The following DIAPH3 variants were observed in gnomAD, a reference collection of about 807,000 sequenced individuals.
The protein encoded by DIAPH3 is diaphanous related formin 3.
Under a neutral mutation model 144.3 loss-of-function variants are expected in DIAPH3, and 117 were observed. That is an observed-to-expected ratio of 0.81 (90% CI 0.70 to 0.95). DIAPH3 has a LOEUF of 0.95. Ranked by LOEUF, DIAPH3 falls within the 40% of genes least tolerant of loss-of-function variation. The pLI, the probability that DIAPH3 is intolerant of heterozygous loss-of-function variation, is 0.00. For missense variants in DIAPH3, 1,421 were observed against 1,412.7 expected (o/e 1.01, Z -0.09); for synonymous variants, 519 against 488.9 (o/e 1.06, Z -0.81).
chr13:59,685,538 C>G (rs1371846510), intron 27 of DIAPH3, among the ~76,000 whole-genome samples: 1 of 152,066 alleles, frequency 6.6e-6, no homozygotes, highest in Non-Finnish European at 1.5e-5. Context: ...CATTTCCCAA[C>G]AAAAACACTG....
chr13:59,887,758 A>T (rs1343756937), intron 20 of DIAPH3, among the ~76,000 whole-genome samples: 1 of 151,816 alleles, frequency 6.6e-6, no homozygotes, highest in African/African-American at 2.4e-5. Flanking sequence ...GAATTTACTG[A>T]TTTTTTTTGT....
rs187130486 is a variant in DIAPH3 at position 59,817,936 on chromosome 13, T to C, written c.3028-7013A>G. On this transcript the variant is annotated intron_variant, in intron 24 of 27. Transcript: ENST00000400324. ...ACTCAATTTATAAATTTATGTAACA[T>C]TGTTTTATTGTGTACTTTCTTTACA... 4.1e-3 allele frequency among the ~76,000 whole-genome samples: 623 copies of C among 152,058 alleles called. 2 individuals carry two copies. The highest frequency in any genetic ancestry group is 6.6e-3 in the Non-Finnish European group (450 of 67,856).
At chr13:59,777,855 TA>T (rs1163322359) in intron 25 of DIAPH3, among the ~76,000 whole-genome samples, 2 of 152,062 alleles carry the variant, frequency 1.3e-5, no homozygotes, top group Middle Eastern at 3.2e-3. Flanking sequence ...TAAAAGAGAC[TA>T]AAGAGGAACG....
At chr13:59,925,003 A>T in intron 17 of DIAPH3, 133 bp from the exon 18 acceptor site, 1 of 1,418,106 alleles carries the variant, frequency 7.1e-7, no homozygotes, top group Non-Finnish European at 9.3e-7. Flanking sequence ...AAAAACAAAT[A>T]AAACGATAGA....
intron 22 of DIAPH3, among the ~76,000 whole-genome samples, chr13:59,850,355 T>C (rs1012473577): frequency 2.6e-5 from 4 of 151,356 alleles, no homozygotes; most frequent in African/African-American, 9.7e-5. Context: ...TCCAACACTA[T>C]GTTGAATAGG....
intron 27 of DIAPH3, among the ~76,000 whole-genome samples, chr13:59,692,893 CTTTCTT>C (rs1440899376): frequency 6.6e-6 from 1 of 152,172 alleles, no homozygotes; most frequent in East Asian, 1.9e-4. Context: ...GACTCCAACT[CTTTCTT>C]TAATCACAGA....
At chr13:60,043,384 C>CT (rs2055831573) in intron 4 of DIAPH3, among the ~76,000 whole-genome samples, 2 of 152,148 alleles carry the variant, frequency 1.3e-5, no homozygotes, top group African/African-American at 4.8e-5. Context: ...TCTAACTTGG[C>CT]AGAACAGATC....
At chr13:59,737,873 A>G (rs906672496) in intron 27 of DIAPH3, among the ~76,000 whole-genome samples, 2 of 152,176 alleles carry the variant, frequency 1.3e-5, no homozygotes, top group African/African-American at 4.8e-5. Context: ...CTTCATTTAA[A>G]ATATAAAATT....
chr13:59,928,988 G>A (rs968973725), intron 17 of DIAPH3, among the ~76,000 whole-genome samples: 1 of 152,118 alleles, frequency 6.6e-6, no homozygotes, highest in African/African-American at 2.4e-5. Context: ...AGAAAGAAGA[G>A]TGTAGCAATG....
At chr13:59,956,918 C>T (rs1050811172) in intron 17 of DIAPH3, among the ~76,000 whole-genome samples, 1 of 152,156 alleles carries the variant, frequency 6.6e-6, no homozygotes, top group Non-Finnish European at 1.5e-5. Context: ...GACTGCCCAG[C>T]TGGATTTCAG....
At chr13:59,792,312 T>C (rs1329879949) in intron 25 of DIAPH3, among the ~76,000 whole-genome samples, 2 of 152,216 alleles carry the variant, frequency 1.3e-5, no homozygotes, top group African/African-American at 4.8e-5. Context: ...TTGAGACACA[T>C]GTCATTCAGT....
At chr13:59,669,532 C>T (rs750832660) in intron 27 of DIAPH3, among the ~76,000 whole-genome samples, 14 of 152,152 alleles carry the variant, frequency 9.2e-5, no homozygotes, top group East Asian at 1.9e-4. Context: ...ATCAACCTTC[C>T]GAGCTCCCCT....
intron 1 of DIAPH3, among the ~76,000 whole-genome samples, chr13:60,135,676 A>T (rs189065875): frequency 1.3e-5 from 2 of 152,198 alleles, no homozygotes; most frequent in African/African-American, 4.8e-5. Flanking sequence ...TGATCTGAGA[A>T]TTGTGTTTCT....
chr13:59,684,259 G>A (rs549966783), intron 27 of DIAPH3, among the ~76,000 whole-genome samples: 4 of 152,234 alleles, frequency 2.6e-5, no homozygotes, highest in East Asian at 1.9e-4. Flanking sequence ...TTTCTGCCAC[G>A]GAGCAACCTT....
At chr13:60,003,649 C>T (rs1319225848) in intron 9 of DIAPH3, among the ~76,000 whole-genome samples, 2 of 151,912 alleles carry the variant, frequency 1.3e-5, no homozygotes. Flanking sequence ...TCTCGGCTCA[C>T]TGCAAGCACC....
At chr13:60,057,750 C>T (rs191501835) in intron 4 of DIAPH3, among the ~76,000 whole-genome samples, 2 of 151,950 alleles carry the variant, frequency 1.3e-5, no homozygotes, top group East Asian at 1.9e-4. Context: ...CAAATACTTA[C>T]AACCACTGAT....
rs2032014899 is a variant in DIAPH3, at chr13:59,666,468, TATC to T, written c.*113_*115del. 1 of 1,177,636 alleles carries T rather than the reference TATC, an allele frequency of 8.5e-7. No individual in the cohort carries two copies. The highest frequency in any genetic ancestry group is 2.6e-5 in the East Asian group (1 of 38,862). The allele number at this position is 1,177,636 out of a possible 1,614,324, so 72.9% of individuals were successfully genotyped here. A position where few individuals can be genotyped will look rare whatever the true frequency, so the allele number is the denominator to read the frequency against. On this transcript the variant is annotated 3_prime_UTR_variant, in exon 28 of 28. Transcript: ENST00000400324. ...TATTTAGCTTTATTTTTCTAATATATATCATAATTTAAAACTATATAAAGTCAC... is the reference window on the plus strand; with the variant it reads ...TATTTAGCTTTATTTTTCTAATATATATAATTTAAAACTATATAAAGTCAC...
chr13:59,695,523 C>A (rs952797562), intron 27 of DIAPH3: 1 of 152,136 alleles, frequency 6.6e-6, no homozygotes, highest in South Asian at 2.1e-4. Context: ...AGTCACTAGA[C>A]AAATATTAGT....
intron 24 of DIAPH3, among the ~76,000 whole-genome samples, chr13:59,812,311 T>G (rs927718083): frequency 6.6e-6 from 1 of 151,498 alleles, no homozygotes; most frequent in Non-Finnish European, 1.5e-5. Flanking sequence ...CATCTATCCA[T>G]CGATCCATCC....
Sources: gnomAD v4.1 joint callset for allele counts (sites outside exome capture counted in the v4.1 genomes callset) on GRCh38, gnomAD v4.1.1 for gene constraint, MANE v1.5 for transcripts, NCBI Gene and HGNC (gene_info 2026-07-23, HGNC 2026-07-21) for gene names.